SH2D3C: variants seen among roughly 807,000 people sequenced by gnomAD.
SH2D3C encodes SH2 domain containing 3C.
In SH2D3C, 25 loss-of-function variants were observed where a neutral mutation model predicts 75.2. The observed-to-expected ratio is 0.33, with a 90% CI of 0.24 to 0.46. The LOEUF (loss-of-function observed/expected upper bound fraction) is 0.46. Ranked by LOEUF, SH2D3C falls within the 20% of genes least tolerant of loss-of-function variation. The pLI, the probability that SH2D3C is intolerant of heterozygous loss-of-function variation, is 1.00. For missense variants in SH2D3C, 933 were observed against 1,165.3 expected (o/e 0.80, Z 2.90); for synonymous variants, 450 against 473.7 (o/e 0.95, Z 0.65).
At position 127,739,761 on chromosome 9, in the gene SH2D3C, C is replaced by T; in HGVS notation, c.2328G>A (p.Val776=). The T allele has an allele frequency of 6.2e-7, 1 of 1,607,766 alleles. No homozygotes were observed. The highest frequency in any genetic ancestry group is 1.3e-5 in the African/African-American group (1 of 74,926). ...WGSTEHGVEV[V]LAHLEAARTV... ...TGCGGGCGGCCTCCAGGTGAGCCAG[C>T]ACCACCTCCACGCCGTGCTCCGTGC... The change falls in exon 11 of 12, where the codon GTG becomes GTA. Residue 776 remains valine (V), a synonymous_variant. Coordinates refer to ENST00000314830, the MANE Select transcript of SH2D3C (RefSeq NM_170600.3). The surrounding 1 kb of genome is among the most constrained non-coding windows in gnomAD (Gnocchi z 4.3).
Position 127,751,372 on chromosome 9 carries a change from AC to A in SH2D3C, c.556-73del. ...CTTCTTTCCCTCCCAACTTCATTCT[AC>A]CATGGATGAACTCCTCCTATCCTGG... On this transcript the variant is annotated intron_variant, in intron 3 of 11. Transcript: ENST00000314830. This position sits in a 1 kb window ranked among gnomAD's most constrained non-coding sequence, Gnocchi z 4.1. The A allele has an allele frequency of 7.0e-7, 1 of 1,437,210 alleles. No homozygotes were observed. The highest frequency in any genetic ancestry group is 9.7e-7 in the Non-Finnish European group (1 of 1,030,238). The allele number at this position is 1,437,210 out of a possible 1,614,324, so 89.0% of individuals were successfully genotyped here.
At chr9:127,755,039 C>T (rs1473212810) in intron 3 of SH2D3C, 9 of 1,046,924 alleles carry the variant, frequency 8.6e-6, no homozygotes, top group Non-Finnish European at 1.1e-5. Context: ...CCGGGGGTCC[C>T]AGCCCGGCGC....
chr9:127,742,595 C>T, intron 8 of SH2D3C: 1 of 415,330 alleles, frequency 2.4e-6, no homozygotes, highest in Non-Finnish European at 4.3e-6. Context: ...CGAGGCCAGG[C>T]TGATGGTCAA....
rs1483675136 is a variant in SH2D3C at position 127,745,052 on chromosome 9, G to A, written c.1312C>T (p.Pro438Ser). The A allele has an allele frequency of 6.6e-7, 1 of 1,511,236 alleles. No individual in the cohort carries two copies. Among genetic ancestry groups the A allele is most frequent in the Non-Finnish European group, 8.8e-7 (1 of 1,130,848 alleles). The allele number at this position is 1,511,236 out of a possible 1,614,324, so 93.6% of individuals were successfully genotyped here. A position where few individuals can be genotyped will look rare whatever the true frequency, so the allele number is the denominator to read the frequency against. The change falls in exon 7 of 12, where the codon CCT (proline) becomes TCT (serine). Residue 438 changes from proline to serine, a missense_variant. Physicochemically the swap from Pro to Ser is moderately conservative, Grantham distance 74. Transcript: ENST00000314830. ...GAACGGCGGGCGACAGGGGAGGCAG[G>A]CAATGCTGTGGCAGAAGGGGCTGCA... ...APAAPSATAL[P>S]ASPVARRSSE...
At chr9:127,770,918 CTG>C (rs1486500526) in intron 2 of SH2D3C, among the ~76,000 whole-genome samples, 12 of 152,344 alleles carry the variant, frequency 7.9e-5, no homozygotes, top group East Asian at 7.7e-4. Context: ...CGCTCACTGG[CTG>C]TGTCAAACTC....
In SH2D3C at chr9:127,742,890, G is replaced by A. The variant is rs1405487111; in HGVS notation, c.1875C>T (p.Thr625=). 2 of 1,613,922 alleles carry A rather than the reference G, an allele frequency of 1.2e-6. No homozygotes were observed. Among genetic ancestry groups the A allele is most frequent in the Non-Finnish European group, 1.7e-6 (2 of 1,179,924 alleles). The stretch of plus-strand genomic sequence containing the variant: ...GGCGTAGCTGCCGGCCATGGGGGAG[G>A]GTGAGCAGTTCCATGCCCCAGCGGA... ...MGVRWGMELL[T]LPHGRQLRLD... is the part of the protein sequence containing the mutation. The change falls in exon 8 of 12, where the codon ACC becomes ACT. Residue 625 remains threonine (T), a synonymous_variant. Transcript: ENST00000314830.
At chr9:127,741,571 A>G (rs1211912301) in intron 9 of SH2D3C, among the ~76,000 whole-genome samples, 1 of 152,026 alleles carries the variant, frequency 6.6e-6, no homozygotes, top group African/African-American at 2.4e-5. Context: ...AATGCTCCTC[A>G]TTTGTTTTAT....
chr9:127,770,665 TGGA>T (rs10536010), intron 2 of SH2D3C, among the ~76,000 whole-genome samples: 10,165 of 152,240 alleles, frequency 0.067, 743 homozygotes, highest in African/African-American at 0.18. Flanking sequence ...CTCCAGATGC[TGGA>T]GGAGAAGAGT....
rs1172958498 is a variant in SH2D3C at position 127,749,444 on chromosome 9, G to A, written c.906C>T (p.Gly302=). The stretch of plus-strand genomic sequence containing the variant: ...TCTGCTCTGACACAGCCTTGCGGCT[G>A]CCCACATGATAGCGCACGAGGGCGG... ...HVPALVRYHV[G]SRKAVSEQSG... The change falls in exon 5 of 12, where the codon GGC becomes GGT. Residue 302 remains glycine (G), a synonymous_variant. Transcript: ENST00000314830. This position sits in a 1 kb window ranked among gnomAD's most constrained non-coding sequence, Gnocchi z 5.9. The A allele has an allele frequency of 1.9e-6, 3 of 1,614,062 alleles. No homozygotes were observed. In the African/African-American group the frequency reaches 4.0e-5, roughly 22 times the overall value.
intron 8 of SH2D3C, 117 bp from the exon 9 acceptor site, chr9:127,742,076 G>A: frequency 2.1e-6 from 2 of 969,558 alleles, no homozygotes; most frequent in South Asian, 1.7e-5. Flanking sequence ...AACGTGAGAG[G>A]TTGTAAGGGT....
At position 127,745,031 on chromosome 9, in the gene SH2D3C, G is replaced by A. The variant is rs948789968; in HGVS notation, c.1333C>T (p.Arg445Cys). 1.5e-5 allele frequency: 22 copies of A among 1,512,450 alleles called. No individual in the cohort carries two copies. Among genetic ancestry groups the A allele is most frequent in the East Asian group, 9.1e-5 (4 of 43,834 alleles). 93.7% of individuals were successfully genotyped at this position (1,512,450 alleles called of 1,614,324 possible). A position where few individuals can be genotyped will look rare whatever the true frequency, so the allele number is the denominator to read the frequency against. ...TALPASPVAR[R>C]SSEPQLCPGS... ...GGACACAGCTGGGGCTCACTGGAAC[G>A]GCGGGCGACAGGGGAGGCAGGCAAT... The change falls in exon 7 of 12, where the codon CGT becomes TGT. Residue 445 changes from arginine (R) to cysteine (C), a missense_variant. Coordinates refer to ENST00000314830, the MANE Select transcript of SH2D3C (RefSeq NM_170600.3).
intron 2 of SH2D3C, among the ~76,000 whole-genome samples, chr9:127,763,654 C>T (rs1845579544): frequency 6.6e-6 from 1 of 152,176 alleles, no homozygotes; most frequent in Non-Finnish European, 1.5e-5. Flanking sequence ...GCCTTCCCAT[C>T]TGCAAAATGG....
chr9:127,751,431 C>T lies in SH2D3C; in HGVS notation c.556-131G>A, dbSNP rs577389773. 3.5e-5 allele frequency: 30 copies of T among 849,966 alleles called. No homozygotes were observed. In the South Asian group the frequency reaches 4.6e-4, roughly 13 times the overall value. 52.7% of individuals were successfully genotyped at this position (849,966 alleles called of 1,614,324 possible). ...GGAACACTAAGGCACAGGTGCCAGACCCTTTCCCATGGGTCCCAGAAAGAG... is the reference window on the plus strand; with the variant it reads ...GGAACACTAAGGCACAGGTGCCAGATCCTTTCCCATGGGTCCCAGAAAGAG... On this transcript the variant is annotated intron_variant, in intron 3 of 11. Transcript: ENST00000314830. The surrounding 1 kb of genome is among the most constrained non-coding windows in gnomAD (Gnocchi z 4.1).
chr9:127,762,124 G>C, intron 2 of SH2D3C: 1 of 1,050,810 alleles, frequency 9.5e-7, no homozygotes, highest in Non-Finnish European at 1.2e-6. Flanking sequence ...CTCTTACCCT[G>C]CACTCACTTC....
In SH2D3C at chr9:127,751,341, C is replaced by T; in HGVS notation, c.556-41G>A. On this transcript the variant is annotated intron_variant, in intron 3 of 11. Transcript: ENST00000314830. The surrounding 1 kb of genome is among the most constrained non-coding windows in gnomAD (Gnocchi z 4.1). ...CAAGAGTTGGCATCCAACTTAAAGT[C>T]TCCTTCTTCTTTCCCTCCCAACTTC... 7 of 1,602,022 alleles carry T rather than the reference C, an allele frequency of 4.4e-6. No homozygotes were observed. Among genetic ancestry groups the T allele is most frequent in the South Asian group, 1.1e-5 (1 of 90,750 alleles).
intron 4 of SH2D3C, among the ~76,000 whole-genome samples, chr9:127,750,308 C>T (rs1179741871): frequency 1.3e-5 from 2 of 152,026 alleles, no homozygotes; most frequent in Non-Finnish European, 2.9e-5. Flanking sequence ...GTGCATGCCA[C>T]CATGCCTGGC....
In SH2D3C at chr9:127,741,953, G is replaced by A; in HGVS notation, c.1923C>T (p.His641=). 1 of 1,611,168 alleles carries A rather than the reference G, an allele frequency of 6.2e-7. No individual in the cohort carries two copies. The highest frequency in any genetic ancestry group is 8.5e-7 in the Non-Finnish European group (1 of 1,179,070). ...QLRLDLLERF[H]TMSIMLAVDI... is the part of the protein sequence containing the mutation. ...CCACGGCCAGCATGATGGACATGGTGTGGAACCTGTCAGAGCGGCGGGGTC... is the reference window on the plus strand; with the variant it reads ...CCACGGCCAGCATGATGGACATGGTATGGAACCTGTCAGAGCGGCGGGGTC... The change falls in exon 9 of 12, where the codon CAC becomes CAT. Residue 641 remains histidine, a synonymous_variant. Transcript: ENST00000314830.
rs1177530492 is a variant in SH2D3C, at chr9:127,740,273, G to A, written c.2185C>T (p.Leu729Phe). The A allele has an allele frequency of 5.6e-6, 9 of 1,613,928 alleles. No individual in the cohort carries two copies. The highest frequency in any genetic ancestry group is 7.6e-6 in the Non-Finnish European group (9 of 1,179,936). The change falls in exon 10 of 12, where the codon CTC (leucine) becomes TTC (phenylalanine). Residue 729 changes from leucine to phenylalanine, a missense_variant. Physicochemically the swap from Leu to Phe is conservative, Grantham distance 22. Transcript: ENST00000314830. Reference sequence around the variant, plus strand: ...AAGGAAGTACCTTTGCCCTCGTTGAGGCTCTTGAGAAAAGGCTTGAGCTTC... The same window carrying A: ...AAGGAAGTACCTTTGCCCTCGTTGAAGCTCTTGAGAAAAGGCTTGAGCTTC... ...EKKLKPFLKS[L>F]NEGKEGPPLS... is the part of the protein sequence containing the mutation.
chr9:127,761,725 C>T, intron 2 of SH2D3C, 75 bp from the exon 3 acceptor site: 1 of 1,299,596 alleles, frequency 7.7e-7, no homozygotes, highest in Non-Finnish European at 1.1e-6. Flanking sequence ...GCCTGCCTGC[C>T]TGGGGCCAGC....
Sources: allele counts gnomAD v4.1 joint callset (sites outside exome capture counted in the v4.1 genomes callset), GRCh38; gene constraint gnomAD v4.1.1; non-coding constraint Gnocchi (gnomAD v3.1); transcripts MANE v1.5; gene names NCBI Gene and HGNC (gene_info 2026-07-23, HGNC 2026-07-21).